Variants in SHROOM2 observed in about 807,000 individuals in gnomAD.
SHROOM2 encodes the protein protein Shroom2.
SHROOM2 carries 33 observed loss-of-function variants against 75.9 expected under a neutral mutation model. The observed-to-expected ratio is 0.43, with a 90% CI of 0.33 to 0.58. SHROOM2 has a LOEUF of 0.58. Ranked by LOEUF, SHROOM2 falls within the 20% of genes least tolerant of loss-of-function variation. The pLI is 0.04. For missense variants in SHROOM2, 1,434 were observed against 1,461.2 expected (o/e 0.98, Z 0.30); for synonymous variants, 655 against 663.6 (o/e 0.99, Z 0.20).
At chrX:9,927,356 C>CAAAAAAAA (rs56344026) in intron 5 of SHROOM2, among the ~76,000 whole-genome samples, 1 of 24,394 alleles carries the variant, frequency 4.1e-5, no homozygotes, top group South Asian at 9.8e-3. Flanking sequence ...TCTCTGTCTC[C>CAAAAAAAA]AAAAAAAAAA....
chrX:9,856,253 A>G (rs898093921), intron 1 of SHROOM2, among the ~76,000 whole-genome samples: 2 of 110,754 alleles, frequency 1.8e-5, no homozygotes, highest in African/African-American at 6.6e-5. Flanking sequence ...GCATGGAGAA[A>G]TAATACCACT....
chrX:9,882,383 A>T (rs1271110539), intron 2 of SHROOM2, among the ~76,000 whole-genome samples: 1 of 111,217 alleles, frequency 9.0e-6, no homozygotes, highest in Non-Finnish European at 1.9e-5. Flanking sequence ...TAGCCAGGAA[A>T]TTGTGTGGGT....
At chrX:9,842,248 G>A (rs2083983107) in intron 1 of SHROOM2, among the ~76,000 whole-genome samples, 1 of 112,117 alleles carries the variant, frequency 8.9e-6, no homozygotes, top group African/African-American at 3.2e-5. Context: ...CTCTTAACTT[G>A]TTGTTTTACT....
rs1346018163 is a variant in SHROOM2 at position 9,808,554 on chromosome X, A to AT, written c.165+21851dup. Among the ~76,000 whole-genome samples the AT allele has an allele frequency of 4.6e-5, 5 of 109,362 alleles. No individual in the cohort carries two copies. The South Asian group carries it at 1.2e-3, about 26-fold the overall frequency. 95.0% of individuals were successfully genotyped at this position (109,362 alleles called of 115,157 possible). Reference sequence around the variant, plus strand: ...ACAGAGTGAGACCCTGTCTCAAAAAATTTTTTTAAAATAAGTGGATATAAT... The same window carrying AT: ...ACAGAGTGAGACCCTGTCTCAAAAAATTTTTTTTAAAATAAGTGGATATAAT... On this transcript the variant is annotated intron_variant, in intron 1 of 9. Coordinates refer to ENST00000380913, the MANE Select transcript of SHROOM2 (RefSeq NM_001649.4).
intron 1 of SHROOM2, among the ~76,000 whole-genome samples, chrX:9,815,496 A>G (rs1379696773): frequency 1.9e-5 from 2 of 105,888 alleles, no homozygotes; most frequent in Admixed American, 1.1e-4. Flanking sequence ...AATATCTCCT[A>G]TATATCTCAT....
intron 1 of SHROOM2, among the ~76,000 whole-genome samples, chrX:9,809,591 T>C (rs940470650): frequency 8.9e-6 from 1 of 112,474 alleles, no homozygotes; most frequent in Admixed American, 9.4e-5. Flanking sequence ...CAACTATCCT[T>C]TGTATAACCA....
chrX:9,790,468 G>T (rs1459641371), intron 1 of SHROOM2, among the ~76,000 whole-genome samples: 1 of 111,780 alleles, frequency 8.9e-6, no homozygotes, highest in African/African-American at 3.3e-5. Flanking sequence ...CTTTGTGGCT[G>T]CTGGTGGATT....
chrX:9,934,164 TG>T (rs933585560), intron 6 of SHROOM2, among the ~76,000 whole-genome samples: 3 of 111,606 alleles, frequency 2.7e-5, no homozygotes, highest in African/African-American at 9.8e-5. Flanking sequence ...GCTGTGTAAA[TG>T]TGGGGCAAAG....
At chrX:9,857,850 G>A (rs185998465) in intron 1 of SHROOM2, among the ~76,000 whole-genome samples, 190 of 110,485 alleles carry the variant, frequency 1.7e-3, no homozygotes, top group African/African-American at 5.9e-3. Context: ...CACTACCCCC[G>A]ACACTGGGTA....
At chrX:9,842,488 C>T (rs1478918981) in intron 1 of SHROOM2, among the ~76,000 whole-genome samples, 1 of 112,379 alleles carries the variant, frequency 8.9e-6, no homozygotes, top group East Asian at 2.8e-4. Flanking sequence ...GGAAACCCAC[C>T]GTGGTAGGGC....
At chrX:9,835,262 A>G (rs2083937778) in intron 1 of SHROOM2, among the ~76,000 whole-genome samples, 1 of 112,333 alleles carries the variant, frequency 8.9e-6, no homozygotes, top group Non-Finnish European at 1.9e-5. Flanking sequence ...AGAAAGGGCC[A>G]GTTGAATATA....
intron 1 of SHROOM2, among the ~76,000 whole-genome samples, chrX:9,805,937 G>A (rs1209611672): frequency 9.2e-6 from 1 of 109,126 alleles, no homozygotes; most frequent in Non-Finnish European, 1.9e-5. Flanking sequence ...AAGAGGTGGG[G>A]TCTTTGGGAG....
Position 9,948,598 on chromosome X carries a change from C to T in SHROOM2, c.*1661C>T, listed in dbSNP as rs1312359362. 1.8e-5 allele frequency: 2 copies of T among 113,336 alleles called. No homozygotes were observed. The highest frequency in any genetic ancestry group is 3.6e-4 in the South Asian group (1 of 2,790). The allele number at this position is 113,336 out of a possible 1,213,427, so 9.3% of individuals were successfully genotyped here. On this transcript the variant is annotated 3_prime_UTR_variant, in exon 10 of 10. Transcript: ENST00000380913. ...TCCACACTTCCTGAGCCAGAGGGGC[C>T]GTGTTGACGGTAATGCATTCTCTAT...
intron 2 of SHROOM2, among the ~76,000 whole-genome samples, chrX:9,888,281 C>A (rs1005371480): frequency 8.9e-6 from 1 of 111,883 alleles, no homozygotes; most frequent in Admixed American, 9.5e-5. Flanking sequence ...GCCATACGTG[C>A]AAATGACTTC....
rs779988684 is a variant in SHROOM2 at position 9,909,221 on chromosome X, C to G, written c.2891+10931C>G. On this transcript the variant is annotated intron_variant, in intron 5 of 9. Transcript: ENST00000380913. ...TATGTCATAGGGACACAGGAACCAA[C>G]AATGACCAAAGGCAGAACAAGTTAA... is the stretch of plus-strand genomic sequence containing the variant. Among the ~76,000 whole-genome samples the G allele has an allele frequency of 2.7e-5, 3 of 111,640 alleles. No individual in the cohort carries two copies. In the South Asian group the frequency reaches 1.1e-3, roughly 42 times the overall value.
intron 1 of SHROOM2, among the ~76,000 whole-genome samples, chrX:9,861,603 T>C (rs1906402390): frequency 8.9e-6 from 1 of 112,270 alleles, no homozygotes; most frequent in South Asian, 3.7e-4. Flanking sequence ...ATGAAGAAAT[T>C]ATAACAACAG....
rs768853565 is a variant in SHROOM2 at position 9,895,158 on chromosome X, T to G, written c.1250T>G (p.Val417Gly). The change falls in exon 4 of 10, where the codon GTG becomes GGG. Residue 417 changes from valine (V) to glycine (G), a missense_variant. By Grantham distance (109) the Val-to-Gly change is moderately radical. This residue lies in a region of SHROOM2 where 1,340 missense variants were observed against 1,338.3 expected (regional missense o/e 1.00). Transcript: ENST00000380913. ...CAGGCCTCTCTGTCCAGCTCAGATGTGCGCTTCCCTCAGTCTCCTCATAGC... is the reference window on the plus strand; with the variant it reads ...CAGGCCTCTCTGTCCAGCTCAGATGGGCGCTTCCCTCAGTCTCCTCATAGC... ...RLQASLSSSD[V>G]RFPQSPHSGR... is the part of the protein sequence containing the mutation. The G allele has an allele frequency of 5.8e-6, 7 of 1,211,892 alleles. No individual in the cohort carries two copies. Among genetic ancestry groups the G allele is most frequent in the Non-Finnish European group, 6.7e-6 (6 of 895,557 alleles).
chrX:9,793,391 G>A (rs1482337581), intron 1 of SHROOM2, among the ~76,000 whole-genome samples: 1 of 109,124 alleles, frequency 9.2e-6, no homozygotes, highest in African/African-American at 3.4e-5. Flanking sequence ...TGGGGTTCAA[G>A]CGATCCTCCC....
At chrX:9,850,831 CAAAA>C (rs757769302) in intron 1 of SHROOM2, among the ~76,000 whole-genome samples, 3 of 76,277 alleles carry the variant, frequency 3.9e-5, no homozygotes, top group Non-Finnish European at 4.9e-5. Flanking sequence ...GACTCTGTGT[CAAAA>C]AAAAAAAAAA....
Sources: gnomAD v4.1 joint callset for allele counts (sites outside exome capture counted in the v4.1 genomes callset) on GRCh38, gnomAD v4.1.1 for gene constraint, gnomAD v4.1.1 regional missense constraint, MANE v1.5 for transcripts, NCBI Gene and HGNC (gene_info 2026-07-23, HGNC 2026-07-21) for gene names.